The following KCNT1 variants were observed in gnomAD, a reference collection of about 807,000 sequenced individuals.
KCNT1 encodes potassium sodium-activated channel subfamily T member 1.
A neutral mutation model predicts 147.8 loss-of-function variants in KCNT1; 78 were observed. The observed-to-expected ratio is 0.53, with a 90% confidence interval of 0.44 to 0.64. The LOEUF (loss-of-function observed/expected upper bound fraction) is 0.64. Ranked by LOEUF, KCNT1 falls within the 30% of genes least tolerant of loss-of-function variation. The probability of loss-of-function intolerance (pLI) is 0.00; values close to 1 mark genes in which losing one functional copy is unlikely to be tolerated. For missense variants in KCNT1, 1,419 were observed against 1,750.3 expected, an observed-to-expected ratio of 0.81 and a Z score of 3.38; for synonymous variants, 867 against 748.8, an observed-to-expected ratio of 1.16 and a Z score of -2.58.
At chr9:135,751,076 G>C in intron 4 of KCNT1, 35 bp downstream of exon 4, 1 of 1,582,242 alleles carries the variant, frequency 6.3e-7, no homozygotes, top group South Asian at 1.1e-5. Context: ...CGGGGTCCCG[G>C]GTCCCAGGGC....
intron 24 of KCNT1, among the ~76,000 whole-genome samples, chr9:135,780,331 C>T (rs1162575112): frequency 1.3e-5 from 2 of 152,186 alleles, no homozygotes; most frequent in South Asian, 2.1e-4. Flanking sequence ...CTGGGACCTG[C>T]GTGGCTGCAG....
At position 135,794,716 on chromosome 9, in the gene KCNT1, CA is replaced by C. The variant is rs1588426984; in HGVS notation, c.*2556del. Reference sequence around the variant, plus strand: ...CCAGCCCAAGAAAAGCTGCCTGCAGCATCTGGAAACTTCTGTGCTCTCCTTG... The same window carrying C: ...CCAGCCCAAGAAAAGCTGCCTGCAGCTCTGGAAACTTCTGTGCTCTCCTTG... On this transcript the variant is annotated 3_prime_UTR_variant, in exon 31 of 31. Coordinates refer to ENST00000371757, the MANE Select transcript of KCNT1 (RefSeq NM_020822.3). 3.9e-5 allele frequency: 6 copies of C among 152,338 alleles called. No homozygotes were observed. In the East Asian group the frequency reaches 1.2e-3, roughly 30 times the overall value. The allele number at this position is 152,338 out of a possible 1,614,324, so 9.4% of individuals were successfully genotyped here. A position where few individuals can be genotyped will look rare whatever the true frequency, so the allele number is the denominator to read the frequency against.
intron 2 of KCNT1, among the ~76,000 whole-genome samples, chr9:135,744,972 C>T (rs562656927): frequency 3.5e-4 from 53 of 152,304 alleles, no homozygotes; most frequent in Non-Finnish European, 6.3e-4. Flanking sequence ...GAGACGGGCC[C>T]GGCCCCCTGT....
Position 135,765,678 on chromosome 9 carries a change from G to A in KCNT1, c.1255G>A (p.Val419Ile). 1 of 1,611,206 alleles carries A rather than the reference G, an allele frequency of 6.2e-7. No individual in the cohort carries two copies. The highest frequency in any genetic ancestry group is 1.1e-5 in the South Asian group (1 of 90,576). ...PTEMDVQVRR[V>I]LQIPLWSQRV... Reference sequence around the variant, plus strand: ...GGAGATGGATGTCCAGGTGCGCAGAGTCCTGCAGATCCCTCTGTGGTCCCA... The same window carrying A: ...GGAGATGGATGTCCAGGTGCGCAGAATCCTGCAGATCCCTCTGTGGTCCCA... The change falls in exon 13 of 31, where the codon GTC becomes ATC. Residue 419 changes from valine to isoleucine, a missense_variant. Physicochemically the swap from Val to Ile is conservative, Grantham distance 29. Transcript: ENST00000371757.
intron 1 of KCNT1, among the ~76,000 whole-genome samples, chr9:135,705,654 G>T (rs774531157): frequency 6.6e-6 from 1 of 152,232 alleles, no homozygotes; most frequent in Non-Finnish European, 1.5e-5. Context: ...CCAGCTGTGT[G>T]TGTGGATAAG....
At chr9:135,759,389 G>A (rs917893413) in intron 10 of KCNT1, among the ~76,000 whole-genome samples, 8 of 148,726 alleles carry the variant, frequency 5.4e-5, no homozygotes, top group South Asian at 2.2e-4. Context: ...AGAGCCACCC[G>A]GCAGGCAGGG....
chr9:135,712,310 A>C (rs1408422355), intron 1 of KCNT1, among the ~76,000 whole-genome samples: 2 of 152,320 alleles, frequency 1.3e-5, no homozygotes, highest in East Asian at 3.9e-4. Context: ...CAGAATTCTT[A>C]TGGAAATTGG....
intron 3 of KCNT1, chr9:135,750,705 C>G: frequency 1.7e-5 from 10 of 583,856 alleles, no homozygotes; most frequent in South Asian, 6.2e-5. Flanking sequence ...TAGAAATCCC[C>G]TGCACCCCAA....
At chr9:135,728,556 A>AG (rs1177471252) in intron 2 of KCNT1, among the ~76,000 whole-genome samples, 2 of 152,234 alleles carry the variant, frequency 1.3e-5, no homozygotes, top group African/African-American at 2.4e-5. Context: ...CCGGGGGAAC[A>AG]GGAAGTGGGA....
At chr9:135,769,799 G>A (rs1192836415) in intron 15 of KCNT1, 148 bp from the exon 16 acceptor site, 21 of 629,098 alleles carry the variant, frequency 3.3e-5, no homozygotes, top group Middle Eastern at 4.1e-4. Flanking sequence ...ACAGACTCTC[G>A]GGGCAGAGAT....
intron 1 of KCNT1, among the ~76,000 whole-genome samples, chr9:135,712,353 A>C (rs1384262108): frequency 6.6e-6 from 1 of 152,242 alleles, no homozygotes; most frequent in Non-Finnish European, 1.5e-5. Context: ...CTCAGAAAAT[A>C]AAAAGATCAT....
chr9:135,764,729 G>A (rs892079953), intron 11 of KCNT1, among the ~76,000 whole-genome samples: 3 of 152,108 alleles, frequency 2.0e-5, no homozygotes, highest in Non-Finnish European at 2.9e-5. Context: ...TCAAGAGAGT[G>A]ATCCCCAATC....
intron 2 of KCNT1, among the ~76,000 whole-genome samples, chr9:135,743,231 C>G (rs1212220078): frequency 6.6e-6 from 1 of 152,118 alleles, no homozygotes; most frequent in African/African-American, 2.4e-5. Context: ...TGTGCCACTC[C>G]CCACTGAGCC....
intron 1 of KCNT1, among the ~76,000 whole-genome samples, chr9:135,705,554 G>C (rs954764198): frequency 5.3e-5 from 8 of 152,244 alleles, no homozygotes; most frequent in Admixed American, 2.6e-4. Context: ...TCTGGGGAAA[G>C]GCAGGCTGGG....
At chr9:135,791,764 G>T (rs756638709) in intron 29 of KCNT1, 33 bp from the exon 30 acceptor site, 18 of 1,596,010 alleles carry the variant, frequency 1.1e-5, no homozygotes, top group Non-Finnish European at 1.5e-5. Flanking sequence ...CAGGGCTGGG[G>T]GGGTGACGTC....
chr9:135,761,445 TG>T (rs891483252), intron 11 of KCNT1, among the ~76,000 whole-genome samples: 29 of 152,250 alleles, frequency 1.9e-4, no homozygotes, highest in African/African-American at 6.5e-4. Context: ...GAGCACAGTG[TG>T]GGGGGCACTC....
chr9:135,736,357 C>T (rs1830333847), intron 2 of KCNT1, among the ~76,000 whole-genome samples: 2 of 152,164 alleles, frequency 1.3e-5, no homozygotes, highest in African/African-American at 4.8e-5. Context: ...GCGGCTCCTC[C>T]CCTCCCCCCG....
At chr9:135,765,840 C>G (rs906152182) in intron 13 of KCNT1, 80 bp downstream of exon 13, 28 of 1,337,592 alleles carry the variant, frequency 2.1e-5, no homozygotes, top group African/African-American at 2.9e-5. Flanking sequence ...AGGCATTGAC[C>G]GTCGCTCTCC....
intron 2 of KCNT1, among the ~76,000 whole-genome samples, chr9:135,725,656 G>A (rs960195998): frequency 6.6e-6 from 1 of 152,200 alleles, no homozygotes; most frequent in African/African-American, 2.4e-5. Context: ...GAGGGTGCAG[G>A]GGTCACTCTG....
Sources: allele counts gnomAD v4.1 joint callset (sites outside exome capture counted in the v4.1 genomes callset), GRCh38; gene constraint gnomAD v4.1.1; transcripts MANE v1.5; gene names NCBI Gene and HGNC (gene_info 2026-07-23, HGNC 2026-07-21).